Variants in PDE4B observed in about 807,000 individuals in gnomAD.
PDE4B encodes 3',5'-cyclic-AMP phosphodiesterase 4B.
Under a neutral mutation model 82.2 loss-of-function variants are expected in PDE4B, and 20 were observed. That is an observed-to-expected ratio of 0.24 (90% CI 0.17 to 0.35). The LOEUF is 0.35. Among genes scored for constraint, PDE4B ranks in the 10% least tolerant of loss-of-function variants. The pLI is 1.00. For synonymous variants in PDE4B, 320 were observed against 318.9 expected (o/e 1.00, Z -0.04); for missense variants, 655 against 907.2 (o/e 0.72, Z 3.57).
chr1:66,311,630 A>G (rs562517038), intron 7 of PDE4B, among the ~76,000 whole-genome samples: 27 of 152,386 alleles, frequency 1.8e-4, no homozygotes, highest in Middle Eastern at 3.4e-3. Flanking sequence ...CCGAGTGCCC[A>G]GCAGCAGCAG....
At chr1:66,195,164 A>C (rs1304489294) in intron 3 of PDE4B, among the ~76,000 whole-genome samples, 1 of 152,130 alleles carries the variant, frequency 6.6e-6, no homozygotes, top group Non-Finnish European at 1.5e-5. Context: ...CAAAATGAGA[A>C]TGACAAGCGA....
chr1:66,367,427 C>G (rs1414930820), intron 13 of PDE4B: 1 of 270,022 alleles, frequency 3.7e-6, no homozygotes, highest in East Asian at 6.8e-5. Context: ...TTAAATTCTT[C>G]ATCTGAGATA....
chr1:66,212,298 A>G (rs1382029439), intron 3 of PDE4B, among the ~76,000 whole-genome samples: 1 of 152,056 alleles, frequency 6.6e-6, no homozygotes, highest in Non-Finnish European at 1.5e-5. Flanking sequence ...ACCCTCCATT[A>G]CTTTTCTGAC....
rs1408280200 is a variant in PDE4B at position 66,368,955 on chromosome 1, G to A, written c.1831G>A (p.Val611Met). The A allele has an allele frequency of 1.2e-6, 2 of 1,605,182 alleles. No individual in the cohort carries two copies. The highest frequency in any genetic ancestry group is 1.7e-5 in the Admixed American group (1 of 58,774). The change falls in exon 16 of 17, where the codon GTG (valine) becomes ATG (methionine). Residue 611 changes from valine to methionine, a missense_variant. Val to Met is a conservative substitution (Grantham distance 21). Around this residue, in one of 3 missense-constraint regions of PDE4B, gnomAD observed 283 missense variants for 516.4 expected, o/e 0.55. Coordinates refer to ENST00000341517, the MANE Select transcript of PDE4B (RefSeq NM_002600.4). ...SPMCDKHTAS[V>M]EKSQVGFIDY... is the part of the protein sequence containing the mutation. Reference sequence around the variant, plus strand: ...AATGTGTGATAAACACACAGCTTCTGTGGAAAAATCCCAGGTATCTAATAT... The same window carrying A: ...AATGTGTGATAAACACACAGCTTCTATGGAAAAATCCCAGGTATCTAATAT...
intron 1 of PDE4B, among the ~76,000 whole-genome samples, chr1:65,898,013 T>C (rs1646929793): frequency 6.6e-6 from 1 of 152,160 alleles, no homozygotes; most frequent in Admixed American, 6.6e-5. Context: ...TTTTTGACTT[T>C]TAAGTAATAG....
chr1:66,198,755 C>A (rs1438752780), intron 3 of PDE4B, among the ~76,000 whole-genome samples: 3 of 151,638 alleles, frequency 2.0e-5, no homozygotes, highest in African/African-American at 7.3e-5. Flanking sequence ...TGCTATCCCT[C>A]CCCCTTCCCC....
intron 3 of PDE4B, among the ~76,000 whole-genome samples, chr1:66,208,072 C>T (rs1649705746): frequency 6.6e-6 from 1 of 152,056 alleles, no homozygotes; most frequent in African/African-American, 2.4e-5. Flanking sequence ...TATATTTTTC[C>T]ACTGCTTATA....
chr1:66,070,244 A>C (rs942452671), intron 3 of PDE4B, among the ~76,000 whole-genome samples: 4 of 151,182 alleles, frequency 2.6e-5, no homozygotes, highest in Non-Finnish European at 5.9e-5. Flanking sequence ...GTCTATATGC[A>C]TTTTTTTTTC....
At chr1:65,997,923 G>A (rs1312836637) in intron 3 of PDE4B, among the ~76,000 whole-genome samples, 2 of 152,198 alleles carry the variant, frequency 1.3e-5, no homozygotes. Flanking sequence ...GTTAAGGGAA[G>A]TTTCGAGAAG....
intron 3 of PDE4B, among the ~76,000 whole-genome samples, chr1:66,227,910 C>T (rs1457240280): frequency 6.6e-6 from 1 of 152,150 alleles, no homozygotes; most frequent in African/African-American, 2.4e-5. Flanking sequence ...TTTTGATTGC[C>T]CAGGTATAAC....
intron 9 of PDE4B, among the ~76,000 whole-genome samples, chr1:66,356,679 T>G (rs954215758): frequency 2.0e-5 from 3 of 152,360 alleles, no homozygotes; most frequent in Admixed American, 2.0e-4. Flanking sequence ...ATCCTATTTC[T>G]CTAACACCAA....
intron 1 of PDE4B, among the ~76,000 whole-genome samples, chr1:65,832,378 T>C (rs1244232059): frequency 6.6e-6 from 1 of 152,230 alleles, no homozygotes; most frequent in Non-Finnish European, 1.5e-5. Context: ...ATGTATTTAA[T>C]TGGCATCTAG....
chr1:65,983,347 G>A (rs184250750), intron 3 of PDE4B, among the ~76,000 whole-genome samples: 315 of 152,190 alleles, frequency 2.1e-3, no homozygotes, highest in African/African-American at 7.3e-3. Context: ...GTGATGGGGT[G>A]AATGTATTTT....
intron 3 of PDE4B, among the ~76,000 whole-genome samples, chr1:65,948,674 C>T (rs147495301): frequency 4.5e-4 from 69 of 152,140 alleles, no homozygotes; most frequent in East Asian, 5.8e-4. Context: ...TCCTTCAATC[C>T]GATCAAGTTG....
chr1:66,217,880 T>C (rs994058814), intron 3 of PDE4B, among the ~76,000 whole-genome samples: 1 of 152,194 alleles, frequency 6.6e-6, no homozygotes, highest in East Asian at 1.9e-4. Flanking sequence ...GAAAAGTAGC[T>C]TGAGACGAGA....
chr1:65,882,472 C>T (rs1297912771), intron 1 of PDE4B, among the ~76,000 whole-genome samples: 1 of 152,146 alleles, frequency 6.6e-6, no homozygotes, highest in Non-Finnish European at 1.5e-5. Context: ...TTCTCAACAG[C>T]ATATTCTCTA....
chr1:65,846,191 C>T (rs1646266500), intron 1 of PDE4B, among the ~76,000 whole-genome samples: 1 of 152,174 alleles, frequency 6.6e-6, no homozygotes, highest in Admixed American at 6.6e-5. Flanking sequence ...ACCTTCCAGT[C>T]TCTATCAATG....
intron 1 of PDE4B, among the ~76,000 whole-genome samples, chr1:65,874,818 C>T (rs928435091): frequency 5.9e-5 from 9 of 151,944 alleles, no homozygotes; most frequent in African/African-American, 1.9e-4. Context: ...AAGATTTAAA[C>T]GTTAGACCTA....
chr1:65,813,907 A>C (rs896767044), intron 1 of PDE4B, among the ~76,000 whole-genome samples: 19 of 151,954 alleles, frequency 1.3e-4, no homozygotes, highest in African/African-American at 4.3e-4. Context: ...AAAAAAAAAA[A>C]AAAAAACAAC....
Sources: allele counts gnomAD v4.1 joint callset (sites outside exome capture counted in the v4.1 genomes callset), GRCh38; gene constraint gnomAD v4.1.1; regional missense constraint gnomAD v4.1.1; transcripts MANE v1.5; gene names NCBI Gene and HGNC (gene_info 2026-07-23, HGNC 2026-07-21).